The following CTNNA1 variants were observed in gnomAD, a reference collection of about 807,000 sequenced individuals.
CTNNA1 encodes the protein catenin alpha 1, also known as catenin alpha-1.
In CTNNA1, 37 loss-of-function variants were observed where a neutral mutation model predicts 98.4. That is an observed-to-expected ratio of 0.38 (90% CI 0.29 to 0.49). CTNNA1 has a LOEUF of 0.49. CTNNA1 is among the 20% of genes least tolerant of loss of function. The pLI, the probability that CTNNA1 is intolerant of heterozygous loss-of-function variation, is 0.95. For missense variants in CTNNA1, 761 were observed against 1,147.2 expected (o/e 0.66, Z 4.86); for synonymous variants, 404 against 413.2 (o/e 0.98, Z 0.27).
intron 2 of CTNNA1, 76 bp downstream of exon 2, chr5:138,782,105 GTT>G: frequency 7.2e-7 from 1 of 1,389,020 alleles, no homozygotes; most frequent in Non-Finnish European, 9.9e-7. Context: ...TAAGAGCAAG[GTT>G]ATTTAGTTCA....
intron 3 of CTNNA1, among the ~76,000 whole-genome samples, chr5:138,802,927 A>G (rs1364893990): frequency 2.6e-5 from 4 of 151,582 alleles, no homozygotes; most frequent in African/African-American, 9.7e-5. Context: ...CCTCCTGAGT[A>G]GCTGGGATTA....
At chr5:138,868,629 G>A (rs1198452380) in intron 7 of CTNNA1, among the ~76,000 whole-genome samples, 1 of 152,186 alleles carries the variant, frequency 6.6e-6, no homozygotes, top group Non-Finnish European at 1.5e-5. Flanking sequence ...TGGGACAGTT[G>A]TTTGTCCACT....
intron 7 of CTNNA1, among the ~76,000 whole-genome samples, chr5:138,863,861 C>T (rs1265192834): frequency 1.3e-5 from 2 of 152,186 alleles, no homozygotes; most frequent in Non-Finnish European, 2.9e-5. Context: ...TTGGGCTGGG[C>T]ATGAAATCAT....
intron 10 of CTNNA1, among the ~76,000 whole-genome samples, chr5:138,916,193 A>AAAAAAAAAAAAAAAAAAAAAAAAAG (rs1761722924): frequency 6.6e-6 from 1 of 151,126 alleles, no homozygotes. Flanking sequence ...AAAAAAAAAG[A>AAAAAAAAAAAAAAAAAAAAAAAAAG]AGGGGCTAAG....
At chr5:138,797,699 G>T (rs1287615593) in intron 3 of CTNNA1, among the ~76,000 whole-genome samples, 3 of 152,058 alleles carry the variant, frequency 2.0e-5, no homozygotes, top group African/African-American at 7.2e-5. Flanking sequence ...TCCATAGCTG[G>T]ATTTCTGAGC....
chr5:138,772,271 T>G (rs1753634014), intron 1 of CTNNA1, among the ~76,000 whole-genome samples: 2 of 152,232 alleles, frequency 1.3e-5, no homozygotes, highest in Admixed American at 1.3e-4. Context: ...TATAAGGTAA[T>G]GAAGACCAGA....
At chr5:138,781,235 C>T (rs1405878275) in intron 1 of CTNNA1, among the ~76,000 whole-genome samples, 2 of 152,160 alleles carry the variant, frequency 1.3e-5, no homozygotes, top group East Asian at 1.9e-4. Flanking sequence ...CTTCTGTATT[C>T]GTTTTTGAAG....
intron 9 of CTNNA1, among the ~76,000 whole-genome samples, chr5:138,901,370 G>A (rs1468721736): frequency 6.6e-6 from 1 of 151,982 alleles, no homozygotes; most frequent in African/African-American, 2.4e-5. Flanking sequence ...GTGGCCAGGG[G>A]TGGGTCTCCC....
intron 14 of CTNNA1, 61 bp from the exon 15 acceptor site, chr5:138,930,412 A>T: frequency 8.1e-7 from 1 of 1,234,538 alleles, no homozygotes; most frequent in Non-Finnish European, 1.2e-6. Context: ...ATTCTTGGCT[A>T]ATGCACTCTG....
chr5:138,923,338 T>C (rs1345089762), intron 11 of CTNNA1, among the ~76,000 whole-genome samples: 1 of 152,228 alleles, frequency 6.6e-6, no homozygotes, highest in Non-Finnish European at 1.5e-5. Flanking sequence ...AAAATGTGTT[T>C]ATGTTAGAAG....
At chr5:138,769,868 C>T (rs918229285) in intron 1 of CTNNA1, among the ~76,000 whole-genome samples, 18 of 150,768 alleles carry the variant, frequency 1.2e-4, no homozygotes, top group East Asian at 3.9e-4. Context: ...TTTATTGAGA[C>T]GGAGTTTCGG....
chr5:138,876,923 G>A (rs1450468786), intron 7 of CTNNA1, among the ~76,000 whole-genome samples: 2 of 152,218 alleles, frequency 1.3e-5, no homozygotes, highest in Admixed American at 6.5e-5. Context: ...AAATGCCTAC[G>A]AAGTACAAAG....
chr5:138,917,332 T>G (rs1042802353), intron 10 of CTNNA1, among the ~76,000 whole-genome samples: 2 of 152,212 alleles, frequency 1.3e-5, no homozygotes, highest in Non-Finnish European at 2.9e-5. Flanking sequence ...GAATATATAC[T>G]TAGTGTTTTA....
chr5:138,807,402 G>A (rs1262271899), intron 3 of CTNNA1, among the ~76,000 whole-genome samples: 1 of 151,792 alleles, frequency 6.6e-6, no homozygotes. Flanking sequence ...TGAGGGATGG[G>A]TTCATTTCAG....
At chr5:138,901,435 C>G (rs1009300357) in intron 9 of CTNNA1, among the ~76,000 whole-genome samples, 1 of 152,200 alleles carries the variant, frequency 6.6e-6, no homozygotes, top group Non-Finnish European at 1.5e-5. Context: ...GCTGGTATTA[C>G]AAGCATGAGC....
chr5:138,918,017 T>C, intron 11 of CTNNA1, 119 bp downstream of exon 11: 1 of 1,067,526 alleles, frequency 9.4e-7, no homozygotes, highest in Non-Finnish European at 1.4e-6. Context: ...ACAATAATAT[T>C]GTGCTGGTTT....
intron 1 of CTNNA1, among the ~76,000 whole-genome samples, chr5:138,768,339 G>A (rs1202666423): frequency 1.3e-5 from 2 of 151,704 alleles, no homozygotes; most frequent in African/African-American, 2.4e-5. Flanking sequence ...GGCTCACCTC[G>A]ACCTCTGCCT....
rs1162734122 is a variant in CTNNA1 at position 138,824,564 on chromosome 5, C to T, written c.623C>T (p.Ala208Val). 1 of 1,614,186 alleles carries T rather than the reference C, an allele frequency of 6.2e-7. No homozygotes were observed. The highest frequency in any genetic ancestry group is 8.5e-7 in the Non-Finnish European group (1 of 1,180,028). ...GATGTTGGCCATCGTGATCAGATGG[C>T]TGCAGCTAGAGGAATCCTGCAGAAG... is the stretch of plus-strand genomic sequence containing the variant. ...LKDVGHRDQM[A>V]AARGILQKNV... is the part of the protein sequence containing the mutation. The change falls in exon 6 of 18, where the codon GCT becomes GTT. Residue 208 changes from alanine to valine, a missense_variant. Physicochemically the swap from Ala to Val is moderately conservative, Grantham distance 64 (BLOSUM62 0). Around this residue, in one of 6 missense-constraint regions of CTNNA1, gnomAD observed 328 missense variants for 354.3 expected, o/e 0.93. Coordinates refer to ENST00000302763, the MANE Select transcript of CTNNA1 (RefSeq NM_001903.5).
chr5:138,874,371 G>T lies in CTNNA1; in HGVS notation c.1063-11841G>T. On this transcript the variant is annotated intron_variant, in intron 7 of 17. Coordinates refer to ENST00000302763, the MANE Select transcript of CTNNA1 (RefSeq NM_001903.5). This position sits in a 1 kb window ranked among gnomAD's most constrained non-coding sequence, Gnocchi z 4.1. Reference sequence around the variant, plus strand: ...TGATTGTGCCTCAGGGACAGGCCCAGAGAGCCCTTGTCTGTGGCGTTTGGC... The same window carrying T: ...TGATTGTGCCTCAGGGACAGGCCCATAGAGCCCTTGTCTGTGGCGTTTGGC... 6.2e-7 allele frequency: 1 copy of T among 1,614,012 alleles called. No homozygotes were observed. The highest frequency in any genetic ancestry group is 8.5e-7 in the Non-Finnish European group (1 of 1,179,890).
Sources: allele counts gnomAD v4.1 joint callset (sites outside exome capture counted in the v4.1 genomes callset), GRCh38; gene constraint gnomAD v4.1.1; regional missense constraint gnomAD v4.1.1; non-coding constraint Gnocchi (gnomAD v3.1); transcripts MANE v1.5; gene names NCBI Gene and HGNC (gene_info 2026-07-23, HGNC 2026-07-21).